Variants in FHIT observed in about 807,000 individuals in gnomAD.
The protein encoded by FHIT is bis(5'-adenosyl)-triphosphatase.
A neutral mutation model predicts 17.9 loss-of-function variants in FHIT; 19 were observed. That is an observed-to-expected ratio of 1.06 (90% confidence interval 0.74 to 1.56). FHIT has a LOEUF of 1.56. Ranked by LOEUF, FHIT falls within the 40% of genes most tolerant of loss-of-function variation. The pLI is 0.00. For synonymous variants in FHIT, 81 were observed against 69.7 expected (o/e 1.16, Z -0.81); for missense variants, 248 against 189.2 (o/e 1.31, Z -1.82).
At chr3:60,345,345 G>A (rs377552971) in intron 5 of FHIT, among the ~76,000 whole-genome samples, 6 of 152,174 alleles carry the variant, frequency 3.9e-5, no homozygotes, top group African/African-American at 1.2e-4. Context: ...TGACCTTCCT[G>A]GTCTACAGCT....
intron 8 of FHIT, among the ~76,000 whole-genome samples, chr3:59,777,492 G>A (rs1340098818): frequency 1.3e-5 from 2 of 151,982 alleles, no homozygotes; most frequent in Admixed American, 1.3e-4. Flanking sequence ...CTTAGCTTCT[G>A]AGCCTTTGCA....
intron 2 of FHIT, among the ~76,000 whole-genome samples, chr3:61,127,521 C>A (rs1210832372): frequency 6.6e-6 from 1 of 151,946 alleles, no homozygotes; most frequent in African/African-American, 2.4e-5. Context: ...AGAAAACAAA[C>A]CCCCCCTGAC....
At chr3:60,686,578 G>C (rs2040867209) in intron 4 of FHIT, among the ~76,000 whole-genome samples, 2 of 151,732 alleles carry the variant, frequency 1.3e-5, no homozygotes, top group Admixed American at 1.3e-4. Flanking sequence ...GTTCTTCATA[G>C]AGAAAATCTA....
chr3:60,179,367 C>T (rs1701823615), intron 5 of FHIT, among the ~76,000 whole-genome samples: 2 of 152,206 alleles, frequency 1.3e-5, no homozygotes, highest in South Asian at 2.1e-4. Context: ...ACTATGCATA[C>T]TTCTATAAAG....
intron 4 of FHIT, among the ~76,000 whole-genome samples, chr3:60,749,697 AT>A (rs1379655836): frequency 1.3e-5 from 2 of 152,218 alleles, no homozygotes; most frequent in African/African-American, 4.8e-5. Context: ...CTAGGAGACA[AT>A]TGGAAACGTG....
intron 3 of FHIT, among the ~76,000 whole-genome samples, chr3:60,857,390 T>C (rs1468958984): frequency 6.6e-6 from 1 of 152,128 alleles, no homozygotes; most frequent in African/African-American, 2.4e-5. Context: ...CAGACAGCAT[T>C]TGACAGCCCA....
chr3:60,029,238 T>C (rs1160215027), intron 5 of FHIT, among the ~76,000 whole-genome samples: 1 of 152,192 alleles, frequency 6.6e-6, no homozygotes, highest in Non-Finnish European at 1.5e-5. Context: ...CGTTTTCCCA[T>C]TGATTACTAA....
chr3:59,907,428 A>C (rs1704634261), intron 8 of FHIT, among the ~76,000 whole-genome samples: 1 of 152,236 alleles, frequency 6.6e-6, no homozygotes, highest in African/African-American at 2.4e-5. Flanking sequence ...CCTTTAATTC[A>C]AAAGGCGCTG....
At chr3:60,429,418 C>A (rs1206505457) in intron 5 of FHIT, among the ~76,000 whole-genome samples, 5 of 151,888 alleles carry the variant, frequency 3.3e-5, no homozygotes, top group Admixed American at 1.3e-4. Flanking sequence ...TTCAAAGAAA[C>A]CCAAGCAAAA....
At chr3:60,264,372 T>A (rs144929390) in intron 5 of FHIT, among the ~76,000 whole-genome samples, 1 of 73,046 alleles carries the variant, frequency 1.4e-5, no homozygotes, top group African/African-American at 5.5e-5. Context: ...ATAGTTCAGC[T>A]CATATTACAT....
intron 5 of FHIT, among the ~76,000 whole-genome samples, chr3:60,053,318 G>C (rs1460886347): frequency 6.7e-6 from 1 of 150,128 alleles, no homozygotes; most frequent in Non-Finnish European, 1.5e-5. Context: ...CTTCTAAACT[G>C]TTGCCCTCAC....
intron 7 of FHIT, among the ~76,000 whole-genome samples, chr3:59,966,342 T>C (rs767167874): frequency 7.9e-5 from 12 of 152,188 alleles, no homozygotes; most frequent in Non-Finnish European, 1.6e-4. Flanking sequence ...AACTCACATA[T>C]GGTTGTCCTG....
intron 4 of FHIT, among the ~76,000 whole-genome samples, chr3:60,787,454 G>A (rs895702323): frequency 2.0e-4 from 30 of 152,194 alleles, no homozygotes; most frequent in Admixed American, 5.9e-4. Flanking sequence ...GATCACTGTT[G>A]TAATTAGGTA....
intron 4 of FHIT, among the ~76,000 whole-genome samples, chr3:60,685,648 C>T (rs140546712): frequency 1.7e-4 from 26 of 152,274 alleles, no homozygotes; most frequent in African/African-American, 6.0e-4. Flanking sequence ...TCCATTTAAA[C>T]ACATATTACC....
At chr3:61,237,428 G>A (rs1484254694) in intron 1 of FHIT, among the ~76,000 whole-genome samples, 1 of 151,984 alleles carries the variant, frequency 6.6e-6, no homozygotes, top group Non-Finnish European at 1.5e-5. Flanking sequence ...ATTTTTTTGT[G>A]CTGAATCCTG....
intron 5 of FHIT, among the ~76,000 whole-genome samples, chr3:60,255,468 G>A (rs1411293833): frequency 6.6e-6 from 1 of 151,942 alleles, no homozygotes; most frequent in East Asian, 1.9e-4. Context: ...GGAGTAGTGG[G>A]AACTGCAGCC....
intron 5 of FHIT, among the ~76,000 whole-genome samples, chr3:60,315,294 T>C (rs572378409): frequency 2.0e-5 from 3 of 152,304 alleles, no homozygotes; most frequent in Non-Finnish European, 2.9e-5. Context: ...CAGCAACAGA[T>C]AGCCAGAACA....
intron 5 of FHIT, among the ~76,000 whole-genome samples, chr3:60,424,965 A>G (rs558135465): frequency 6.6e-6 from 1 of 152,270 alleles, no homozygotes; most frequent in East Asian, 1.9e-4. Flanking sequence ...TTTTAATCCT[A>G]TCTTCCCTTT....
intron 2 of FHIT, among the ~76,000 whole-genome samples, chr3:61,147,321 C>T (rs1262299628): frequency 6.6e-6 from 1 of 152,034 alleles, no homozygotes; most frequent in Non-Finnish European, 1.5e-5. Flanking sequence ...CTATATAATA[C>T]ATTAGGCAAC....
Sources: allele counts gnomAD v4.1 joint callset (sites outside exome capture counted in the v4.1 genomes callset), GRCh38; gene constraint gnomAD v4.1.1; transcripts MANE v1.5; gene names NCBI Gene and HGNC (gene_info 2026-07-23, HGNC 2026-07-21).